Variants in UBE2V2 observed in about 807,000 individuals in gnomAD.
UBE2V2 encodes the protein ubiquitin-conjugating enzyme E2 variant 2.
UBE2V2 carries 9 observed loss-of-function variants against 17.2 expected under a neutral mutation model. The observed-to-expected ratio is 0.52, with a 90% CI of 0.32 to 0.91. UBE2V2 has a LOEUF of 0.91. UBE2V2 is among the 40% of genes least tolerant of loss of function. The pLI is 0.04. For synonymous variants in UBE2V2, 61 were observed against 57.5 expected (o/e 1.06, Z -0.28); for missense variants, 133 against 182.6 (o/e 0.73, Z 1.56).
At chr8:48,010,026 A>G (rs2091216457) in intron 1 of UBE2V2, among the ~76,000 whole-genome samples, 1 of 152,172 alleles carries the variant, frequency 6.6e-6, no homozygotes. Flanking sequence ...TTAATTTAAT[A>G]CTTTTCATTT....
chr8:48,006,009 T>C (rs532372032), upstream of UBE2V2, among the ~76,000 whole-genome samples: 1 of 152,360 alleles, frequency 6.6e-6, no homozygotes, highest in South Asian at 2.1e-4. Context: ...CAGAAGCTCT[T>C]TAGTTTAATC....
chr8:48,044,340 G>A (rs935883554), intron 2 of UBE2V2, among the ~76,000 whole-genome samples: 5 of 152,054 alleles, frequency 3.3e-5, no homozygotes, highest in Non-Finnish European at 4.4e-5. Context: ...GTAGAGATGG[G>A]GTTTCACCAT....
Position 48,043,014 on chromosome 8 carries a change from C to T in UBE2V2, c.17-19C>T, listed in dbSNP as rs759344768. ...TAATTATGAGCTTTTTACATTTACA[C>T]TGACGTTCTTTTGTATAGGAGTTAA... On this transcript the variant is annotated intron_variant, in intron 1 of 3. Transcript: ENST00000523111. 5 of 1,477,064 alleles carry T rather than the reference C, an allele frequency of 3.4e-6. No individual in the cohort carries two copies. The East Asian group carries it at 9.3e-5, about 27-fold the overall frequency. 91.5% of individuals were successfully genotyped at this position (1,477,064 alleles called of 1,614,324 possible). A position where few individuals can be genotyped will look rare whatever the true frequency, so the allele number is the denominator to read the frequency against.
chr8:48,019,537 C>T (rs1370241815), intron 1 of UBE2V2, among the ~76,000 whole-genome samples: 6 of 149,736 alleles, frequency 4.0e-5, no homozygotes, highest in Non-Finnish European at 8.9e-5. Flanking sequence ...AAAAAAACGG[C>T]AGGGCATGGT....
chr8:48,039,247 T>G (rs1180596138), intron 1 of UBE2V2, among the ~76,000 whole-genome samples: 1 of 152,214 alleles, frequency 6.6e-6, no homozygotes, highest in Non-Finnish European at 1.5e-5. Flanking sequence ...TTTATACTTT[T>G]TGCTACATAT....
chr8:48,003,793 T>C (rs2091167307), upstream of UBE2V2, among the ~76,000 whole-genome samples: 1 of 152,126 alleles, frequency 6.6e-6, no homozygotes, highest in Admixed American at 6.5e-5. Flanking sequence ...GGATTTCAAT[T>C]TGGCCTTAAG....
At chr8:48,033,815 T>G (rs1297763652) in intron 1 of UBE2V2, among the ~76,000 whole-genome samples, 1 of 151,976 alleles carries the variant, frequency 6.6e-6, no homozygotes, top group Non-Finnish European at 1.5e-5. Flanking sequence ...AAAATTACCT[T>G]GCATGTTGGC....
At chr8:48,007,532 T>C (rs1479285240), upstream of UBE2V2, among the ~76,000 whole-genome samples, 1 of 150,026 alleles carries the variant, frequency 6.7e-6, no homozygotes, top group African/African-American at 2.5e-5. Context: ...AGAATAAAAA[T>C]ACCTAGGAAT....
upstream of UBE2V2, chr8:48,008,375 T>G (rs752134740): frequency 1.5e-5 from 23 of 1,529,080 alleles, no homozygotes; most frequent in East Asian, 5.0e-4. Flanking sequence ...CTGTGACGCG[T>G]GCAGGGCGGC....
chr8:48,056,682 G>A (rs1048129204), intron 3 of UBE2V2, among the ~76,000 whole-genome samples: 1 of 151,672 alleles, frequency 6.6e-6, no homozygotes, highest in Non-Finnish European at 1.5e-5. Context: ...GTGAGCCACT[G>A]CACCTGGCCT....
intron 1 of UBE2V2, among the ~76,000 whole-genome samples, chr8:48,021,770 C>G (rs1185446919): frequency 4.0e-5 from 6 of 151,712 alleles, no homozygotes; most frequent in Non-Finnish European, 5.9e-5. Context: ...TCAGTGCAAC[C>G]TCTGCCTCCT....
chr8:48,008,749 G>C (rs1402816769), intron 1 of UBE2V2, among the ~76,000 whole-genome samples: 1 of 151,324 alleles, frequency 6.6e-6, no homozygotes, highest in Non-Finnish European at 1.5e-5. Flanking sequence ...CGGCGGGCGC[G>C]GGTCCGAGTT....
At chr8:48,002,364 A>G in the UBE2V2 span, among the ~76,000 whole-genome samples, 1 of 152,364 alleles carries the variant, frequency 6.6e-6, no homozygotes, top group East Asian at 1.9e-4. Flanking sequence ...AAAAAGAAAG[A>G]AACAGTCATT....
At chr8:48,014,635 A>G (rs1221648815) in intron 1 of UBE2V2, among the ~76,000 whole-genome samples, 2 of 137,168 alleles carry the variant, frequency 1.5e-5, no homozygotes, top group East Asian at 4.1e-4. Flanking sequence ...ACAGAGAGAG[A>G]CTCTGCCTCA....
At chr8:48,002,284 T>A in the UBE2V2 span, among the ~76,000 whole-genome samples, 2 of 152,216 alleles carry the variant, frequency 1.3e-5, no homozygotes, top group Non-Finnish European at 2.9e-5. Flanking sequence ...AATTGACTTG[T>A]GTCCATCAGT....
Position 48,045,767 on chromosome 8 carries a change from A to G in UBE2V2, c.165+2586A>G, listed in dbSNP as rs140701314. On this transcript the variant is annotated intron_variant, in intron 2 of 3. Coordinates refer to ENST00000523111, the MANE Select transcript of UBE2V2 (RefSeq NM_003350.3). Reference sequence around the variant, plus strand: ...CTCACCACCTGATGATCTTCTCTGCATCACCTTCTCAGTTCTCTTGAAGGC... The same window carrying G: ...CTCACCACCTGATGATCTTCTCTGCGTCACCTTCTCAGTTCTCTTGAAGGC... 6.6e-4 allele frequency among the ~76,000 whole-genome samples: 101 copies of G among 152,296 alleles called. 3 individuals are homozygous for G. The East Asian group carries it at 0.019, about 29-fold the overall frequency.
At chr8:48,034,556 T>A (rs2091407684) in intron 1 of UBE2V2, among the ~76,000 whole-genome samples, 1 of 152,028 alleles carries the variant, frequency 6.6e-6, no homozygotes, top group Non-Finnish European at 1.5e-5. Context: ...GTGCTGCTAT[T>A]AGGTCTCCCC....
rs1434272705 is a variant in UBE2V2, at chr8:48,031,232, CA to C, written c.17-11799del. On this transcript the variant is annotated intron_variant, in intron 1 of 3. Coordinates refer to ENST00000523111, the MANE Select transcript of UBE2V2 (RefSeq NM_003350.3). ...TCAAAACAAACAAACAAACCCCCCC[CA>C]ACAACAACAACAAAAAAACAACTTA... 3.4e-5 allele frequency among the ~76,000 whole-genome samples: 5 copies of C among 146,042 alleles called. No homozygotes were observed. The East Asian group carries it at 6.0e-4, about 18-fold the overall frequency.
rs1393815192 is a variant in UBE2V2 at position 48,062,240 on chromosome 8, C to G, written c.*1412C>G. On this transcript the variant is annotated 3_prime_UTR_variant, in exon 4 of 4. Coordinates refer to ENST00000523111, the MANE Select transcript of UBE2V2 (RefSeq NM_003350.3). Reference sequence around the variant, plus strand: ...TTAATAATTTGTGTCATACTTTACCCCAGTATATATAGGCAAACCAAAACC... The same window carrying G: ...TTAATAATTTGTGTCATACTTTACCGCAGTATATATAGGCAAACCAAAACC... 1 of 151,976 alleles carries G rather than the reference C, an allele frequency of 6.6e-6. No homozygotes were observed. Among genetic ancestry groups the G allele is most frequent in the Non-Finnish European group, 1.5e-5 (1 of 68,002 alleles). 9.4% of individuals were successfully genotyped at this position (151,976 alleles called of 1,614,324 possible).
Sources: gnomAD v4.1 joint callset for allele counts (sites outside exome capture counted in the v4.1 genomes callset) on GRCh38, gnomAD v4.1.1 for gene constraint, MANE v1.5 for transcripts, NCBI Gene and HGNC (gene_info 2026-07-23, HGNC 2026-07-21) for gene names.